MGAM: variants seen among roughly 807,000 people sequenced by gnomAD.
MGAM encodes the protein alpha-1,4-glucosidase.
In MGAM, 253 loss-of-function variants were observed where a neutral mutation model predicts 358.8. The ratio of observed to expected loss-of-function variants is 0.71; its 90% CI spans 0.64 to 0.78. MGAM has a LOEUF of 0.78. MGAM is among the 30% of genes least tolerant of loss of function. The pLI is 0.00. For missense variants in MGAM, 3,080 were observed against 3,432.6 expected (o/e 0.90, Z 2.57); for synonymous variants, 1,105 against 1,227.1 (o/e 0.90, Z 2.08).
intron 21 of MGAM, among the ~76,000 whole-genome samples, chr7:142,041,922 AT>A (rs1478175945): frequency 1.8e-4 from 3 of 16,266 alleles, no homozygotes; most frequent in African/African-American, 9.2e-4. Context: ...TATACGTATA[AT>A]ATATAATATA....
chr7:141,990,551 C>G (rs1350088086), intron 2 of MGAM, among the ~76,000 whole-genome samples: 1 of 152,174 alleles, frequency 6.6e-6, no homozygotes, highest in African/African-American at 2.4e-5. Context: ...GCTAGAATCT[C>G]TGCATTGTGG....
intron 33 of MGAM, 93 bp from the exon 34 acceptor site, chr7:142,060,218 C>T (rs1383356591): frequency 6.5e-7 from 1 of 1,528,248 alleles, no homozygotes; most frequent in African/African-American, 1.4e-5. Flanking sequence ...TATTATTGCT[C>T]CTAGGAGCAC....
Position 142,025,167 on chromosome 7 carries a change from G to GA in MGAM, c.982+24dup. 1.3e-6 allele frequency: 2 copies of GA among 1,549,046 alleles called. No homozygotes were observed. The highest frequency in any genetic ancestry group is 1.8e-6 in the Non-Finnish European group (2 of 1,121,988). On this transcript the variant is annotated intron_variant, in intron 8 of 70. Coordinates refer to ENST00000475668, the MANE Select transcript of MGAM (RefSeq NM_001365693.1). The stretch of plus-strand genomic sequence containing the variant: ...TGCCATGGGTAAAGGAATATTCATG[G>GA]AAAAAACAAGCACAAGAGTGATTTT...
intron 8 of MGAM, among the ~76,000 whole-genome samples, 193 bp downstream of exon 8, chr7:142,025,342 T>C (rs1806861399): frequency 6.6e-6 from 1 of 152,210 alleles, no homozygotes; most frequent in African/African-American, 2.4e-5. Context: ...TAGGGGATTT[T>C]CTCCAACTTA....
At chr7:142,044,104 A>ATTATATACACATACGACGTATAATATG (rs1809572210) in intron 21 of MGAM, among the ~76,000 whole-genome samples, 5 of 124,492 alleles carry the variant, frequency 4.0e-5, no homozygotes, top group Middle Eastern at 6.8e-3. Flanking sequence ...CGTATAATAT[A>ATTATATACACATACGACGTATAATATG]TACATTATAT....
chr7:142,054,389 CA>C (rs896811745), intron 26 of MGAM, among the ~76,000 whole-genome samples: 3 of 152,206 alleles, frequency 2.0e-5, no homozygotes, highest in Non-Finnish European at 4.4e-5. Context: ...AAATAGATTT[CA>C]TTTTGGGGAG....
Position 142,042,954 on chromosome 7 carries a change from T to G in MGAM, c.2498+2108T>G, listed in dbSNP as rs1207579580. Among the ~76,000 whole-genome samples the G allele has an allele frequency of 1.6e-4, 10 of 64,060 alleles. 1 individual carries two copies. The East Asian group carries it at 2.3e-3, about 14-fold the overall frequency. 42.0% of individuals were successfully genotyped at this position (64,060 alleles called of 152,430 possible). A position where few individuals can be genotyped will look rare whatever the true frequency, so the allele number is the denominator to read the frequency against. On this transcript the variant is annotated intron_variant, in intron 21 of 70. Transcript: ENST00000475668. ...CTAAATATAATATATATATTATATATACATATAATATCTAAATATAATATA... is the reference window on the plus strand; with the variant it reads ...CTAAATATAATATATATATTATATAGACATATAATATCTAAATATAATATA...
At chr7:141,993,162 T>G (rs1474168827), upstream of MGAM, among the ~76,000 whole-genome samples, 2 of 152,308 alleles carry the variant, frequency 1.3e-5, no homozygotes, top group East Asian at 3.9e-4. Context: ...CCAGATGATA[T>G]ACATGGTTTA....
chr7:142,056,939 T>G lies in MGAM; in HGVS notation c.3690T>G (p.Thr1230=). ...CAGAGCTTGTCACCCAGCAGTACAC[T>G]GAGGTAGGGGGAAATCCAATTGTTT... ...PTPELVTQQY[T]ELIGRPVMVP... The change falls in exon 30 of 71, where the codon ACT becomes ACG. Residue 1230 remains threonine, a synonymous_variant. Transcript: ENST00000475668. 1 of 1,613,564 alleles carries G rather than the reference T, an allele frequency of 6.2e-7. No homozygotes were observed. Among genetic ancestry groups the G allele is most frequent in the East Asian group, 2.2e-5 (1 of 44,854 alleles).
At chr7:142,043,054 T>C (rs1168554774) in intron 21 of MGAM, among the ~76,000 whole-genome samples, 1 of 76,660 alleles carries the variant, frequency 1.3e-5, no homozygotes, top group East Asian at 3.4e-4. Flanking sequence ...ATAATATCTA[T>C]ATTATATATA....
chr7:142,062,320 A>G lies in MGAM; in HGVS notation c.4123-248A>G, dbSNP rs189765685. ...TCACTAGTTCGGGTCATTGATTGTC[A>G]TCATCCACGTGTATAGGAAGAGAAC... On this transcript the variant is annotated intron_variant, in intron 34 of 70. Coordinates refer to ENST00000475668, the MANE Select transcript of MGAM (RefSeq NM_001365693.1). 2.6e-5 allele frequency among the ~76,000 whole-genome samples: 4 copies of G among 152,316 alleles called. No individual in the cohort carries two copies. The East Asian group carries it at 7.7e-4, about 29-fold the overall frequency.
intron 18 of MGAM, 133 bp from the exon 19 acceptor site, chr7:142,038,398 G>A (rs1808190957): frequency 1.5e-6 from 1 of 652,288 alleles, no homozygotes. Flanking sequence ...TTGAGTAGGT[G>A]TCACAGAATA....
chr7:142,060,240 C>A (rs73740241), intron 33 of MGAM, 71 bp from the exon 34 acceptor site: 2 of 1,572,398 alleles, frequency 1.3e-6, no homozygotes, highest in East Asian at 2.2e-5. Flanking sequence ...GTTTGTATAA[C>A]AATTTATTAG....
At chr7:142,039,595 A>G (rs1460106863) in intron 19 of MGAM, among the ~76,000 whole-genome samples, 2 of 152,124 alleles carry the variant, frequency 1.3e-5, no homozygotes, top group Non-Finnish European at 2.9e-5. Context: ...AACTATATCA[A>G]GAGTGGTCCT....
At chr7:142,046,347 G>A (rs1187451333) in intron 21 of MGAM, among the ~76,000 whole-genome samples, 1 of 151,690 alleles carries the variant, frequency 6.6e-6, no homozygotes, top group Non-Finnish European at 1.5e-5. Flanking sequence ...ATTACCTTGT[G>A]TGCTTGGTGA....
chr7:142,023,004 T>C (rs1283600202), intron 7 of MGAM, among the ~76,000 whole-genome samples: 1 of 152,188 alleles, frequency 6.6e-6, no homozygotes, highest in Non-Finnish European at 1.5e-5. Flanking sequence ...AAATTTGAAG[T>C]AACATTGTTT....
chr7:142,047,831 G>A lies in MGAM; in HGVS notation c.2545G>A (p.Glu849Lys), dbSNP rs775500483. 1.1e-5 allele frequency: 18 copies of A among 1,612,540 alleles called. No individual in the cohort carries two copies. The Admixed American group carries it at 2.8e-4, about 25-fold the overall frequency. The change falls in exon 22 of 71, where the codon GAA becomes AAA. Residue 849 changes from glutamate to lysine, a missense_variant. Around this residue, in one of 5 missense-constraint regions of MGAM, gnomAD observed 1,816 missense variants for 1,840.5 expected, o/e 0.99. Coordinates refer to ENST00000475668, the MANE Select transcript of MGAM (RefSeq NM_001365693.1). ...TATCATTGCCCTAGATGAGAACAAA[G>A]AAGCAAAAGGAGAACTTTTCTGGGA... ...GLIIALDENK[E>K]AKGELFWDNG...
At chr7:142,044,953 T>C (rs1458310966) in intron 21 of MGAM, among the ~76,000 whole-genome samples, 10 of 105,198 alleles carry the variant, frequency 9.5e-5, no homozygotes, top group African/African-American at 3.6e-4. Context: ...ATGTATATTA[T>C]ATACACGTGT....
At position 142,025,079 on chromosome 7, in the gene MGAM, A is replaced by T; in HGVS notation, c.912A>T (p.Thr304=). The change falls in exon 8 of 71, where the codon ACA becomes ACT. Residue 304 remains threonine (T), a synonymous_variant. Transcript: ENST00000475668. ...GNGTNLYGAQ[T]FFLCLEDASG... ...GAACTAATTTGTATGGTGCGCAGAC[A>T]TTCTTCTTGTGCCTTGAAGATGCTA... The T allele has an allele frequency of 6.2e-7, 1 of 1,613,802 alleles. No homozygotes were observed. Among genetic ancestry groups the T allele is most frequent in the Non-Finnish European group, 8.5e-7 (1 of 1,179,730 alleles).
Sources: gnomAD v4.1 joint callset for allele counts (sites outside exome capture counted in the v4.1 genomes callset) on GRCh38, gnomAD v4.1.1 for gene constraint, gnomAD v4.1.1 regional missense constraint, MANE v1.5 for transcripts, NCBI Gene and HGNC (gene_info 2026-07-23, HGNC 2026-07-21) for gene names.